The following TRHDE variants were observed in gnomAD, a reference collection of about 807,000 sequenced individuals.
TRHDE encodes the protein thyrotropin-releasing hormone-degrading ectoenzyme.
TRHDE carries 72 observed loss-of-function variants against 125.7 expected under a neutral mutation model. The observed-to-expected ratio is 0.57, with a 90% confidence interval of 0.47 to 0.70. The LOEUF (loss-of-function observed/expected upper bound fraction) is 0.70, where lower values mean the gene tolerates loss of function less well. Among genes scored for constraint, TRHDE ranks in the 30% least tolerant of loss-of-function variants. TRHDE has a pLI of 0.00. For synonymous variants in TRHDE, 509 were observed against 509.1 expected (o/e 1.00, Z 0.00); for missense variants, 1,110 against 1,327.1 (o/e 0.84, Z 2.54).
At chr12:72,090,877 G>C (rs1874775138) in intron 1 of TRHDE, among the ~76,000 whole-genome samples, 1 of 150,400 alleles carries the variant, frequency 6.6e-6, no homozygotes, top group African/African-American at 2.4e-5. Context: ...TTTTTTAAGG[G>C]ACAGTCTTAC....
chr12:72,327,393 G>A lies in TRHDE; in HGVS notation c.1188+40439G>A, dbSNP rs1348965300. Among the ~76,000 whole-genome samples, 4 of 152,144 alleles carry A rather than the reference G, an allele frequency of 2.6e-5. No individual in the cohort carries two copies. The East Asian group carries it at 7.7e-4, about 29-fold the overall frequency. On this transcript the variant is annotated intron_variant, in intron 2 of 18. Transcript: ENST00000261180. ...AGAGTGTGTGAATGAATGAGTGAATGTCCTTTCTCACATCATTAAGACTTC... is the reference window on the plus strand; with the variant it reads ...AGAGTGTGTGAATGAATGAGTGAATATCCTTTCTCACATCATTAAGACTTC...
intron 2 of TRHDE, among the ~76,000 whole-genome samples, chr12:72,222,479 G>T (rs559312034): frequency 2.4e-4 from 36 of 152,056 alleles, no homozygotes; most frequent in African/African-American, 8.7e-4. Flanking sequence ...TCACCTGGAG[G>T]CTTCTTAAAA....
chr12:72,567,766 C>T (rs1427194619), intron 9 of TRHDE, among the ~76,000 whole-genome samples: 1 of 152,008 alleles, frequency 6.6e-6, no homozygotes, highest in Non-Finnish European at 1.5e-5. Flanking sequence ...AAGAAGGAAA[C>T]AAATATAGTC....
At chr12:72,485,586 C>A (rs1877367589) in intron 5 of TRHDE, among the ~76,000 whole-genome samples, 7 of 152,270 alleles carry the variant, frequency 4.6e-5, no homozygotes, top group Admixed American at 4.6e-4. Context: ...TGACCCCTCC[C>A]CATTCTACAG....
intron 2 of TRHDE, among the ~76,000 whole-genome samples, chr12:72,298,984 A>G (rs537693521): frequency 6.6e-6 from 1 of 152,270 alleles, no homozygotes; most frequent in East Asian, 1.9e-4. Flanking sequence ...CTTTTGCACC[A>G]AATGTGTTGC....
intron 1 of TRHDE, among the ~76,000 whole-genome samples, chr12:72,275,447 T>C: frequency 6.6e-6 from 1 of 152,180 alleles, no homozygotes; most frequent in Non-Finnish European, 1.5e-5. Flanking sequence ...CTTCTACCAC[T>C]TCCTCCAACA....
At chr12:72,540,408 T>C (rs1413572247) in intron 6 of TRHDE, among the ~76,000 whole-genome samples, 1 of 151,778 alleles carries the variant, frequency 6.6e-6, no homozygotes, top group Non-Finnish European at 1.5e-5. Flanking sequence ...TGGTACATTC[T>C]TTATGATCAG....
At chr12:72,486,321 C>A (rs544801257) in intron 5 of TRHDE, among the ~76,000 whole-genome samples, 1 of 152,154 alleles carries the variant, frequency 6.6e-6, no homozygotes, top group Non-Finnish European at 1.5e-5. Context: ...ATCCCAGAAA[C>A]CTGTCTTCAC....
At chr12:72,308,077 G>C (rs1421250075) in intron 2 of TRHDE, among the ~76,000 whole-genome samples, 1 of 151,658 alleles carries the variant, frequency 6.6e-6, no homozygotes, top group African/African-American at 2.4e-5. Context: ...TGTATTTTTT[G>C]CTTTCTTTAA....
At chr12:72,565,088 A>T (rs1360768201) in intron 9 of TRHDE, among the ~76,000 whole-genome samples, 4 of 152,172 alleles carry the variant, frequency 2.6e-5, no homozygotes. Flanking sequence ...CTGAAAATTT[A>T]TTATTACAAT....
chr12:72,260,913 G>T (rs183043341), intron 2 of TRHDE, among the ~76,000 whole-genome samples: 35 of 152,232 alleles, frequency 2.3e-4, no homozygotes, highest in African/African-American at 7.0e-4. Flanking sequence ...ATAGTTACAA[G>T]GTATCTCAAG....
At chr12:72,523,906 T>C (rs1488783213) in intron 6 of TRHDE, among the ~76,000 whole-genome samples, 1 of 152,186 alleles carries the variant, frequency 6.6e-6, no homozygotes, top group African/African-American at 2.4e-5. Context: ...ATCTGTGCTT[T>C]GCCACTCTGA....
chr12:72,325,024 G>A (rs1043767855), intron 2 of TRHDE, among the ~76,000 whole-genome samples: 2 of 151,938 alleles, frequency 1.3e-5, no homozygotes, highest in Non-Finnish European at 2.9e-5. Flanking sequence ...GAGCCAAAAT[G>A]TTCCTCTTGG....
chr12:72,504,254 A>G (rs1296228172), intron 6 of TRHDE, among the ~76,000 whole-genome samples: 1 of 152,114 alleles, frequency 6.6e-6, no homozygotes, highest in African/African-American at 2.4e-5. Flanking sequence ...GATAGGCTGG[A>G]AGAATAAGCT....
chr12:72,149,833 T>A (rs1354447491), intron 2 of TRHDE, among the ~76,000 whole-genome samples: 2 of 152,172 alleles, frequency 1.3e-5, no homozygotes, highest in African/African-American at 4.8e-5. Context: ...ATTGTGCTCA[T>A]TATTCTATAT....
chr12:72,465,731 C>A (rs748297044), intron 3 of TRHDE, among the ~76,000 whole-genome samples: 1 of 152,086 alleles, frequency 6.6e-6, no homozygotes, highest in African/African-American at 2.4e-5. Context: ...AAATTATAAA[C>A]CTATCATATA....
At chr12:72,205,317 G>A (rs888241019) in intron 2 of TRHDE, among the ~76,000 whole-genome samples, 4 of 149,564 alleles carry the variant, frequency 2.7e-5, no homozygotes, top group East Asian at 2.0e-4. Flanking sequence ...CCTTCCCTTC[G>A]TGTACCAAAG....
chr12:72,430,401 GTA>G (rs201989414), intron 3 of TRHDE, among the ~76,000 whole-genome samples: 13,312 of 139,018 alleles, frequency 0.096, 811 homozygotes, highest in African/African-American at 0.17. Context: ...ATACACACAC[GTA>G]TATATATGTG....
chr12:72,613,349 G>C (rs913114119), intron 12 of TRHDE, among the ~76,000 whole-genome samples: 2 of 152,118 alleles, frequency 1.3e-5, no homozygotes, highest in Admixed American at 6.6e-5. Flanking sequence ...TAATAAAATA[G>C]ATGAGCAAAA....
Sources: gnomAD v4.1 joint callset for allele counts (sites outside exome capture counted in the v4.1 genomes callset) on GRCh38, gnomAD v4.1.1 for gene constraint, MANE v1.5 for transcripts, NCBI Gene and HGNC (gene_info 2026-07-23, HGNC 2026-07-21) for gene names.